Variants in CDH13 observed in about 807,000 individuals in gnomAD.
CDH13 encodes the protein cadherin 13, also known as cadherin-13.
CDH13 carries 24 observed loss-of-function variants against 63.8 expected under a neutral mutation model. That is an observed-to-expected ratio of 0.38 (90% CI 0.27 to 0.53). The LOEUF is 0.53. CDH13 is among the 20% of genes least tolerant of loss of function. The pLI is 0.85. For missense variants in CDH13, 1,049 were observed against 903.1 expected (o/e 1.16, Z -2.07); for synonymous variants, 503 against 355.3 (o/e 1.42, Z -4.67).
chr16:83,411,134 G>A (rs1229490945), intron 6 of CDH13, among the ~76,000 whole-genome samples: 1 of 152,110 alleles, frequency 6.6e-6, no homozygotes, highest in Admixed American at 6.5e-5. Context: ...ATGGCTTAAA[G>A]GTGCCAACCT....
intron 9 of CDH13, among the ~76,000 whole-genome samples, chr16:83,677,227 C>A (rs369914261): frequency 1.3e-5 from 2 of 152,156 alleles, no homozygotes; most frequent in East Asian, 1.9e-4. Flanking sequence ...ACTCAATTGG[C>A]AGCGCCATTG....
At chr16:83,665,806 C>T (rs1913894919) in intron 8 of CDH13, among the ~76,000 whole-genome samples, 1 of 152,314 alleles carries the variant, frequency 6.6e-6, no homozygotes, top group East Asian at 1.9e-4. Flanking sequence ...TTTCCATCTT[C>T]CATGTTAATC....
At chr16:83,214,778 C>A (rs2039447815) in intron 4 of CDH13, among the ~76,000 whole-genome samples, 1 of 151,988 alleles carries the variant, frequency 6.6e-6, no homozygotes, top group African/African-American at 2.4e-5. Context: ...CTCGGCAATG[C>A]TGGGAAGTAA....
intron 8 of CDH13, among the ~76,000 whole-genome samples, chr16:83,660,519 C>T (rs1401226942): frequency 2.0e-5 from 3 of 152,192 alleles, no homozygotes; most frequent in Non-Finnish European, 2.9e-5. Context: ...GTTTCACTGG[C>T]TCTCCCACAG....
intron 8 of CDH13, among the ~76,000 whole-genome samples, chr16:83,607,253 A>C (rs929802139): frequency 1.7e-4 from 26 of 152,008 alleles, no homozygotes; most frequent in African/African-American, 6.0e-4. Flanking sequence ...CCCTGTCTCT[A>C]CTAAAAATAC....
intron 6 of CDH13, among the ~76,000 whole-genome samples, chr16:83,449,135 C>G (rs993193926): frequency 3.3e-5 from 5 of 152,174 alleles, no homozygotes; most frequent in Admixed American, 1.3e-4. Flanking sequence ...GTCTTACATT[C>G]CTCTGGACAA....
intron 3 of CDH13, among the ~76,000 whole-genome samples, chr16:83,065,049 G>T (rs1010893403): frequency 4.6e-5 from 7 of 151,870 alleles, no homozygotes; most frequent in African/African-American, 1.5e-4. Context: ...CCATCCTACT[G>T]CTTCTAGGAG....
At chr16:83,352,918 A>G (rs1567611638) in intron 6 of CDH13, among the ~76,000 whole-genome samples, 1 of 152,234 alleles carries the variant, frequency 6.6e-6, no homozygotes. Context: ...ATAAAGTATA[A>G]AATCATGGCT....
At chr16:83,116,712 CTG>C (rs1486225390) in intron 3 of CDH13, among the ~76,000 whole-genome samples, 1 of 152,206 alleles carries the variant, frequency 6.6e-6, no homozygotes, top group Non-Finnish European at 1.5e-5. Context: ...TTGCACAACT[CTG>C]TAAATTTCCT....
At position 83,655,949 on chromosome 16, in the gene CDH13, G is replaced by T. The variant is rs139015458; in HGVS notation, c.1102-14841G>T. On this transcript the variant is annotated intron_variant, in intron 8 of 13. Coordinates refer to ENST00000567109, the MANE Select transcript of CDH13 (RefSeq NM_001257.5). ...CGGAGCTTCTGATGGCTCCACCAAG[G>T]TTGGTAGGGGTGGGACACAGAGAAA... Among the ~76,000 whole-genome samples the T allele has an allele frequency of 1.8e-4, 28 of 152,270 alleles. 1 individual carries two copies. In the East Asian group the frequency reaches 5.4e-3, roughly 29 times the overall value.
intron 11 of CDH13, among the ~76,000 whole-genome samples, chr16:83,773,752 G>T (rs1914916917): frequency 6.6e-6 from 1 of 152,188 alleles, no homozygotes; most frequent in Admixed American, 6.5e-5. Flanking sequence ...AGGTAAGGAA[G>T]TTCTTCTAGC....
At chr16:83,249,676 G>A (rs372655406) in intron 5 of CDH13, among the ~76,000 whole-genome samples, 1 of 152,184 alleles carries the variant, frequency 6.6e-6, no homozygotes. Context: ...CTGGCTGGGG[G>A]TATTTTTCCC....
intron 1 of CDH13, among the ~76,000 whole-genome samples, chr16:82,658,005 G>T (rs2150920188): frequency 6.6e-6 from 1 of 152,314 alleles, no homozygotes; most frequent in South Asian, 2.1e-4. Flanking sequence ...ATCTTATCAG[G>T]AAAGCTAGTT....
chr16:83,024,628 C>T (rs1482418062), intron 2 of CDH13, among the ~76,000 whole-genome samples: 2 of 152,144 alleles, frequency 1.3e-5, no homozygotes, highest in African/African-American at 4.8e-5. Context: ...GTTCCTACCT[C>T]AAATTGATGA....
In CDH13 at chr16:82,807,796, G is replaced by C. The variant is rs72805977; in HGVS notation, c.46-50566G>C. Among the ~76,000 whole-genome samples the C allele has an allele frequency of 4.7e-3, 720 of 152,190 alleles. 3 individuals carry two copies. Among genetic ancestry groups the C allele is most frequent in the Non-Finnish European group, 8.1e-3 (553 of 67,990 alleles). On this transcript the variant is annotated intron_variant, in intron 1 of 13. Transcript: ENST00000567109. ...TTATATGTGGAGGAAAATTGCTAAA[G>C]GTTATTTACAATTAGATCCATAAAA...
At position 83,419,430 on chromosome 16, in the gene CDH13, A is replaced by G. The variant is rs562090952; in HGVS notation, c.782-67047A>G. Among the ~76,000 whole-genome samples the G allele has an allele frequency of 1.3e-3, 200 of 152,298 alleles. 1 individual carries two copies. The highest frequency in any genetic ancestry group is 2.4e-3 in the Non-Finnish European group (161 of 68,026). On this transcript the variant is annotated intron_variant, in intron 6 of 13. Transcript: ENST00000567109. ...GAGAAATGTCAGTCTTGTGTGAATT[A>G]TCTTATTTAAACCCCTCAGCCACCA...
At chr16:83,570,665 A>G (rs1904494101) in intron 7 of CDH13, among the ~76,000 whole-genome samples, 1 of 148,558 alleles carries the variant, frequency 6.7e-6, no homozygotes, top group Non-Finnish European at 1.5e-5. Context: ...ATTCTTTCTC[A>G]TCCTTTTATA....
At chr16:83,014,358 A>G (rs1303857340) in intron 2 of CDH13, among the ~76,000 whole-genome samples, 1 of 151,568 alleles carries the variant, frequency 6.6e-6, no homozygotes, top group Non-Finnish European at 1.5e-5. Flanking sequence ...GCATCTAACT[A>G]AATTTTAACT....
chr16:83,497,403 T>C (rs957290857), intron 7 of CDH13, among the ~76,000 whole-genome samples: 1 of 151,536 alleles, frequency 6.6e-6, no homozygotes. Context: ...CAGTAAACTA[T>C]CACAAGAACA....
Sources: gnomAD v4.1 joint callset for allele counts (sites outside exome capture counted in the v4.1 genomes callset) on GRCh38, gnomAD v4.1.1 for gene constraint, MANE v1.5 for transcripts, NCBI Gene and HGNC (gene_info 2026-07-23, HGNC 2026-07-21) for gene names.